RUNX1: variants seen among roughly 807,000 people sequenced by gnomAD.
The protein encoded by RUNX1 is RUNX family transcription factor 1.
In RUNX1, 19 loss-of-function variants were observed where a neutral mutation model predicts 42.8. That is an observed-to-expected ratio of 0.44 (90% CI 0.31 to 0.65). RUNX1 has a LOEUF of 0.65. Among genes scored for constraint, RUNX1 ranks in the 30% least tolerant of loss-of-function variants. The pLI is 0.07. For synonymous variants in RUNX1, 271 were observed against 289.4 expected (o/e 0.94, Z 0.64); for missense variants, 528 against 672.0 (o/e 0.79, Z 2.37).
intron 5 of RUNX1, among the ~76,000 whole-genome samples, chr21:34,875,150 T>C (rs2057796114): frequency 6.6e-6 from 1 of 152,248 alleles, no homozygotes. Context: ...AAACTGCCTG[T>C]TGCAAGCACA....
chr21:34,947,303 T>C (rs193217237), intron 2 of RUNX1, among the ~76,000 whole-genome samples: 5 of 152,302 alleles, frequency 3.3e-5, no homozygotes, highest in Admixed American at 1.3e-4. Flanking sequence ...CTCAGCTATG[T>C]TGATGTAATG....
chr21:35,015,803 C>T (rs1369645402), intron 2 of RUNX1, among the ~76,000 whole-genome samples: 1 of 152,204 alleles, frequency 6.6e-6, no homozygotes, highest in Non-Finnish European at 1.5e-5. Context: ...GTTTTACAGA[C>T]AACAAAACTG....
At chr21:34,934,072 G>A (rs2146606437) in intron 2 of RUNX1, among the ~76,000 whole-genome samples, 1 of 152,282 alleles carries the variant, frequency 6.6e-6, no homozygotes, top group Non-Finnish European at 1.5e-5. Context: ...TAAGTTGCTT[G>A]CCTTTGTTCT....
At chr21:34,793,585 A>G (rs2056481343) in intron 8 of RUNX1, among the ~76,000 whole-genome samples, 1 of 152,140 alleles carries the variant, frequency 6.6e-6, no homozygotes, top group African/African-American at 2.4e-5. Context: ...GTGTCCATCC[A>G]TACTTCGGAA....
intron 2 of RUNX1, among the ~76,000 whole-genome samples, chr21:34,895,647 G>A (rs1277405703): frequency 2.0e-5 from 3 of 152,012 alleles, no homozygotes; most frequent in East Asian, 1.9e-4. Flanking sequence ...GAATAAGGGC[G>A]TGAGTTTATG....
intron 3 of RUNX1, 151 bp from the exon 4 acceptor site, chr21:34,887,247 G>C: frequency 1.6e-6 from 1 of 639,646 alleles, no homozygotes; most frequent in Non-Finnish European, 2.3e-6. Context: ...GGGGGTGGGG[G>C]GGGGCGGGGG....
intron 7 of RUNX1, among the ~76,000 whole-genome samples, chr21:34,803,089 T>G (rs1277882706): frequency 6.6e-6 from 1 of 152,168 alleles, no homozygotes; most frequent in Non-Finnish European, 1.5e-5. Context: ...AATAGTGTTT[T>G]GTTCACAGCT....
chr21:34,818,730 G>A (rs967108544), intron 7 of RUNX1, among the ~76,000 whole-genome samples: 1 of 152,202 alleles, frequency 6.6e-6, no homozygotes, highest in South Asian at 2.1e-4. Context: ...CCAGCCGACC[G>A]GCAGCTTCTT....
chr21:35,012,165 G>A (rs1371979318), intron 2 of RUNX1, among the ~76,000 whole-genome samples: 2 of 152,062 alleles, frequency 1.3e-5, no homozygotes, highest in Non-Finnish European at 2.9e-5. Flanking sequence ...TTTAAAAATC[G>A]GCTGGCATGT....
In RUNX1 at chr21:34,791,930, G is replaced by C. The variant is rs1280316720; in HGVS notation, c.*205C>G. The C allele has an allele frequency of 3.0e-6, 1 of 332,050 alleles. No homozygotes were observed. Among genetic ancestry groups the C allele is most frequent in the Non-Finnish European group, 5.7e-6 (1 of 176,314 alleles). 20.6% of individuals were successfully genotyped at this position (332,050 alleles called of 1,614,324 possible). A position where few individuals can be genotyped will look rare whatever the true frequency, so the allele number is the denominator to read the frequency against. On this transcript the variant is annotated 3_prime_UTR_variant, in exon 9 of 9. Transcript: ENST00000675419. ...CTCCGCGAGGGCCGGGGCGCCAGCA[G>C]ACGGCGGCGGCGTGGGCTTCTGGGC... is the stretch of plus-strand genomic sequence containing the variant.
intron 2 of RUNX1, among the ~76,000 whole-genome samples, chr21:34,999,786 A>C (rs1026664076): frequency 6.6e-6 from 1 of 152,170 alleles, no homozygotes; most frequent in Non-Finnish European, 1.5e-5. Context: ...AGACGGTGTA[A>C]ATCCTGGTCT....
At chr21:34,956,789 T>C (rs2058647449) in intron 2 of RUNX1, among the ~76,000 whole-genome samples, 1 of 152,168 alleles carries the variant, frequency 6.6e-6, no homozygotes, top group Non-Finnish European at 1.5e-5. Context: ...TTCCTCTTTT[T>C]CTCTCCCATA....
At chr21:34,972,773 C>T (rs1281840718) in intron 2 of RUNX1, among the ~76,000 whole-genome samples, 3 of 152,170 alleles carry the variant, frequency 2.0e-5, no homozygotes, top group Non-Finnish European at 4.4e-5. Flanking sequence ...TTCCATACAG[C>T]AGGCATCATT....
intron 2 of RUNX1, among the ~76,000 whole-genome samples, chr21:35,018,372 A>G (rs1402371223): frequency 6.6e-6 from 1 of 152,116 alleles, no homozygotes; most frequent in Non-Finnish European, 1.5e-5. Flanking sequence ...TCAAAAGGTG[A>G]ACCTGGAACA....
chr21:35,037,718 G>C (rs565046380), intron 2 of RUNX1, among the ~76,000 whole-genome samples: 2 of 152,278 alleles, frequency 1.3e-5, no homozygotes, highest in South Asian at 2.1e-4. Flanking sequence ...TTAATAATGA[G>C]AGCACCTACT....
chr21:34,919,580 A>G (rs1190286283), intron 2 of RUNX1, among the ~76,000 whole-genome samples: 2 of 152,210 alleles, frequency 1.3e-5, no homozygotes, highest in Non-Finnish European at 2.9e-5. Context: ...TTCTCACCAC[A>G]TATTTGGCTC....
chr21:34,826,428 T>G (rs1162318319), intron 7 of RUNX1, among the ~76,000 whole-genome samples: 1 of 112,898 alleles, frequency 8.9e-6, no homozygotes, highest in Non-Finnish European at 2.0e-5. Flanking sequence ...TTTGTTTTCT[T>G]TCTTTCTTTT....
chr21:34,888,673 G>A (rs1283694763), intron 3 of RUNX1: 30 of 1,044,212 alleles, frequency 2.9e-5, no homozygotes, highest in Non-Finnish European at 3.2e-5. Context: ...CGTCCCGCCC[G>A]CGCCCGCTGG....
At chr21:34,910,148 G>A (rs1432311785) in intron 2 of RUNX1, among the ~76,000 whole-genome samples, 2 of 152,216 alleles carry the variant, frequency 1.3e-5, no homozygotes, top group African/African-American at 2.4e-5. Flanking sequence ...CTAGTTCAGT[G>A]CTGTCTTCCC....
Sources: gnomAD v4.1 joint callset for allele counts (sites outside exome capture counted in the v4.1 genomes callset) on GRCh38, gnomAD v4.1.1 for gene constraint, MANE v1.5 for transcripts, NCBI Gene and HGNC (gene_info 2026-07-23, HGNC 2026-07-21) for gene names.